Variants in TRERF1 observed in about 807,000 individuals in gnomAD.
The protein encoded by TRERF1 is transcriptional regulating factor 1, also known as transcriptional-regulating factor 1.
Under a neutral mutation model 122.9 loss-of-function variants are expected in TRERF1, and 27 were observed. The observed-to-expected ratio is 0.22, with a 90% CI of 0.16 to 0.30. The LOEUF (loss-of-function observed/expected upper bound fraction) is 0.30. TRERF1 is among the 10% of genes least tolerant of loss of function. The pLI, the probability that TRERF1 is intolerant of heterozygous loss-of-function variation, is 1.00. For missense variants in TRERF1, 1,248 were observed against 1,560.3 expected (o/e 0.80, Z 3.37); for synonymous variants, 636 against 641.7 (o/e 0.99, Z 0.13).
chr6:42,231,892 C>T (rs1770611250), intron 17 of TRERF1, among the ~76,000 whole-genome samples: 1 of 152,140 alleles, frequency 6.6e-6, no homozygotes, highest in Non-Finnish European at 1.5e-5. Context: ...AGTCATTTTA[C>T]CTAATTTTTA....
chr6:42,289,394 T>A (rs1169311934), intron 4 of TRERF1, among the ~76,000 whole-genome samples: 1 of 151,418 alleles, frequency 6.6e-6, no homozygotes, highest in Non-Finnish European at 1.5e-5. Context: ...CAAAAAAACC[T>A]TGCTCTGGCC....
intron 3 of TRERF1, among the ~76,000 whole-genome samples, chr6:42,311,625 G>A (rs990284910): frequency 6.6e-6 from 1 of 151,948 alleles, no homozygotes; most frequent in Non-Finnish European, 1.5e-5. Flanking sequence ...AATTAGCCGG[G>A]CGTTGTGGCG....
At chr6:42,424,807 C>T (rs2151595901) in intron 2 of TRERF1, among the ~76,000 whole-genome samples, 1 of 152,310 alleles carries the variant, frequency 6.6e-6, no homozygotes, top group South Asian at 2.1e-4. Context: ...CTCTCCCAGC[C>T]TAACTCCGTA....
intron 4 of TRERF1, among the ~76,000 whole-genome samples, chr6:42,288,533 A>G (rs1783676597): frequency 1.4e-5 from 2 of 141,794 alleles, no homozygotes; most frequent in Non-Finnish European, 3.0e-5. Context: ...GCTCCATTGC[A>G]CTCCAGCCTG....
chr6:42,283,049 C>T (rs1295337540), intron 4 of TRERF1, among the ~76,000 whole-genome samples: 1 of 152,216 alleles, frequency 6.6e-6, no homozygotes, highest in Non-Finnish European at 1.5e-5. Flanking sequence ...ACATACATCA[C>T]AGCCTTCTCG....
Position 42,263,206 on chromosome 6 carries a change from A to T in TRERF1, c.1884+114T>A. 6.9e-6 allele frequency: 10 copies of T among 1,457,444 alleles called. No individual in the cohort carries two copies. The highest frequency in any genetic ancestry group is 7.3e-6 in the Non-Finnish European group (8 of 1,103,162). The allele number at this position is 1,457,444 out of a possible 1,614,324, so 90.3% of individuals were successfully genotyped here. Reference sequence around the variant, plus strand: ...ACTCTGGAAGGGCCGCCCCATCTCCAAGAAAGCAAAGGGATGTCCCCACCC... The same window carrying T: ...ACTCTGGAAGGGCCGCCCCATCTCCTAGAAAGCAAAGGGATGTCCCCACCC... On this transcript the variant is annotated intron_variant, in intron 8 of 17. Transcript: ENST00000372922. This position sits in a 1 kb window ranked among gnomAD's most constrained non-coding sequence, Gnocchi z 5.6.
intron 2 of TRERF1, among the ~76,000 whole-genome samples, chr6:42,425,009 T>C (rs1215241604): frequency 6.6e-6 from 1 of 152,148 alleles, no homozygotes; most frequent in Non-Finnish European, 1.5e-5. Flanking sequence ...GTCTTCAAGT[T>C]CTGACCTGAT....
intron 2 of TRERF1, among the ~76,000 whole-genome samples, chr6:42,367,265 A>AAG (rs1772915523): frequency 6.6e-6 from 1 of 152,134 alleles, no homozygotes; most frequent in Non-Finnish European, 1.5e-5. Context: ...TAACAGAAAC[A>AAG]AGCACAGAGG....
exon 18 of TRERF1, chr6:42,227,052 T>C (rs1769646944): frequency 6.6e-6 from 1 of 152,194 alleles, no homozygotes; most frequent in Non-Finnish European, 1.5e-5. Flanking sequence ...GGATTACAGG[T>C]TTATTACCTT....
At chr6:42,377,468 G>C (rs983546458) in intron 2 of TRERF1, among the ~76,000 whole-genome samples, 6 of 152,136 alleles carry the variant, frequency 3.9e-5, no homozygotes, top group Admixed American at 2.6e-4. Flanking sequence ...TGTCTTCAAG[G>C]TTCATCCATG....
chr6:42,255,023 G>A, intron 12 of TRERF1, 97 bp from the exon 13 acceptor site: 1 of 1,236,038 alleles, frequency 8.1e-7, no homozygotes, highest in Admixed American at 1.8e-5. Context: ...TTAGCACTGT[G>A]GAGGTCAGGG....
chr6:42,439,099 GA>G (rs1490520528), intron 2 of TRERF1, among the ~76,000 whole-genome samples: 2 of 152,250 alleles, frequency 1.3e-5, no homozygotes, highest in East Asian at 3.8e-4. Context: ...GCCGTAGAAA[GA>G]TGGCAATGCT....
At chr6:42,346,740 A>G (rs912902003) in intron 3 of TRERF1, among the ~76,000 whole-genome samples, 2 of 152,212 alleles carry the variant, frequency 1.3e-5, no homozygotes, top group African/African-American at 4.8e-5. Context: ...GACAGTCCCA[A>G]GCAAACCAGG....
chr6:42,411,114 C>T (rs1781036336), intron 2 of TRERF1, among the ~76,000 whole-genome samples: 1 of 152,196 alleles, frequency 6.6e-6, no homozygotes, highest in South Asian at 2.1e-4. Flanking sequence ...CCCTCTGCAA[C>T]TCAGGCATCA....
intron 2 of TRERF1, among the ~76,000 whole-genome samples, chr6:42,385,706 A>G (rs1282003782): frequency 5.3e-5 from 8 of 152,124 alleles, no homozygotes; most frequent in Non-Finnish European, 2.9e-5. Context: ...TCACTTTTAA[A>G]CCTACCCCAC....
rs143919601 is a variant in TRERF1 at position 42,380,028 on chromosome 6, G to A, written c.-453-16949C>T. Among the ~76,000 whole-genome samples the A allele has an allele frequency of 1.1e-3, 161 of 152,346 alleles. 1 individual carries two copies. In the East Asian group the frequency reaches 0.03, roughly 28 times the overall value. ...AGAGGGATCGAGAATGGTGAGGAAG[G>A]AGGGCATTTTATCTACGACGGTTGG... On this transcript the variant is annotated intron_variant, in intron 2 of 17. Coordinates refer to ENST00000372922, the Ensembl canonical transcript of TRERF1.
At chr6:42,341,401 C>T (rs1041004325) in intron 3 of TRERF1, among the ~76,000 whole-genome samples, 1 of 152,222 alleles carries the variant, frequency 6.6e-6, no homozygotes, top group African/African-American at 2.4e-5. Context: ...ACAGCTGAAT[C>T]ACACCAAAGT....
intron 4 of TRERF1, among the ~76,000 whole-genome samples, chr6:42,295,125 C>A (rs887501570): frequency 6.6e-6 from 1 of 152,122 alleles, no homozygotes; most frequent in African/African-American, 2.4e-5. Flanking sequence ...ACAAAGAAGC[C>A]CCCTCCCTAA....
At chr6:42,298,817 G>A (rs149688156) in intron 4 of TRERF1, among the ~76,000 whole-genome samples, 1,539 of 152,134 alleles carry the variant, frequency 0.01, 10 homozygotes, top group African/African-American at 0.018. Context: ...GCAGACGCCT[G>A]TAGTCCCAGC....
Sources: gnomAD v4.1 joint callset for allele counts (sites outside exome capture counted in the v4.1 genomes callset) on GRCh38, gnomAD v4.1.1 for gene constraint, Gnocchi (gnomAD v3.1) non-coding constraint, MANE v1.5 for transcripts, NCBI Gene and HGNC (gene_info 2026-07-23, HGNC 2026-07-21) for gene names.